The following TRHDE variants were observed in gnomAD, a reference collection of about 807,000 sequenced individuals.
TRHDE encodes thyrotropin-releasing hormone-degrading ectoenzyme.
Under a neutral mutation model 125.7 loss-of-function variants are expected in TRHDE, and 72 were observed. The observed-to-expected ratio is 0.57, with a 90% CI of 0.47 to 0.70. The LOEUF (loss-of-function observed/expected upper bound fraction) is 0.70, where lower values mean the gene tolerates loss of function less well. TRHDE is among the 30% of genes least tolerant of loss of function. The pLI is 0.00. For missense variants in TRHDE, 1,110 were observed against 1,327.1 expected, an observed-to-expected ratio of 0.84 and a Z score of 2.54; for synonymous variants, 509 against 509.1, an observed-to-expected ratio of 1.00 and a Z score of 0.00.
At chr12:72,598,860 T>C (rs1592563709) in intron 12 of TRHDE, among the ~76,000 whole-genome samples, 1 of 152,070 alleles carries the variant, frequency 6.6e-6, no homozygotes, top group South Asian at 2.1e-4. Flanking sequence ...AACAGTAAGT[T>C]TTTTAACCCT....
chr12:72,638,913 C>A (rs1211795928), intron 15 of TRHDE, among the ~76,000 whole-genome samples: 1 of 150,062 alleles, frequency 6.7e-6, no homozygotes, highest in Non-Finnish European at 1.5e-5. Context: ...GGTAACCCGA[C>A]CTTCCTCTCT....
At chr12:72,268,643 A>G (rs1443287529), upstream of TRHDE, among the ~76,000 whole-genome samples, 2 of 152,274 alleles carry the variant, frequency 1.3e-5, no homozygotes, top group Non-Finnish European at 2.9e-5. Flanking sequence ...ATGTGCTTCT[A>G]TATACAAACC....
In TRHDE at chr12:72,393,599, A is replaced by G. The variant is rs79264624; in HGVS notation, c.1315+15478A>G. Reference sequence around the variant, plus strand: ...GTTCCCACAGTGTCAGATTTTGTATATCTGTTGTCAAACATATCAGTCACT... The same window carrying G: ...GTTCCCACAGTGTCAGATTTTGTATGTCTGTTGTCAAACATATCAGTCACT... On this transcript the variant is annotated intron_variant, in intron 3 of 18. Transcript: ENST00000261180. 1.5e-3 allele frequency among the ~76,000 whole-genome samples: 227 copies of G among 152,298 alleles called. 8 individuals are homozygous for G. The East Asian group carries it at 0.036, about 24-fold the overall frequency.
chr12:72,604,258 G>T (rs1872335712), intron 12 of TRHDE, among the ~76,000 whole-genome samples: 1 of 152,024 alleles, frequency 6.6e-6, no homozygotes, highest in Non-Finnish European at 1.5e-5. Context: ...ATTATTTTAA[G>T]GTAGCTTAAC....
intron 2 of TRHDE, among the ~76,000 whole-genome samples, chr12:72,217,613 C>A (rs1169202394): frequency 6.6e-6 from 1 of 152,148 alleles, no homozygotes; most frequent in East Asian, 1.9e-4. Context: ...ATCATTCCAA[C>A]TTAATGGCTG....
intron 6 of TRHDE, among the ~76,000 whole-genome samples, chr12:72,534,611 A>G (rs1351301721): frequency 2.0e-5 from 3 of 152,068 alleles, no homozygotes; most frequent in Non-Finnish European, 4.4e-5. Context: ...AGATAACAAT[A>G]CCTACATACA....
chr12:72,553,287 AG>A (rs1239265011), intron 7 of TRHDE, among the ~76,000 whole-genome samples: 2 of 152,178 alleles, frequency 1.3e-5, no homozygotes. Flanking sequence ...GGATTCCTCC[AG>A]GATTGGGATT....
intron 2 of TRHDE, among the ~76,000 whole-genome samples, chr12:72,238,915 G>T (rs1878418963): frequency 6.6e-6 from 1 of 152,128 alleles, no homozygotes; most frequent in South Asian, 2.1e-4. Flanking sequence ...CCAGTAATGG[G>T]ATTGCTGGGT....
intron 2 of TRHDE, among the ~76,000 whole-genome samples, chr12:72,129,648 C>A (rs547208918): frequency 3.9e-5 from 6 of 152,218 alleles, no homozygotes; most frequent in Non-Finnish European, 7.3e-5. Context: ...ACCACTTTCA[C>A]TGCTACTGTC....
Position 72,156,768 on chromosome 12 carries a change from G to A in TRHDE, n.279+51016G>A, listed in dbSNP as rs777506837. Among the ~76,000 whole-genome samples, 9 of 152,226 alleles carry A rather than the reference G, an allele frequency of 5.9e-5. No homozygotes were observed. In the South Asian group the frequency reaches 1.9e-3, roughly 32 times the overall value. ...GAAGAAACAAGGGAAACATTTATTTGTCTTTCATCAAATATTTATGAAGCA... is the reference window on the plus strand; with the variant it reads ...GAAGAAACAAGGGAAACATTTATTTATCTTTCATCAAATATTTATGAAGCA... On this transcript the variant is annotated intron_variant and non_coding_transcript_variant, in intron 2 of 4. Transcript: ENST00000548156.
At chr12:72,512,082 T>C (rs1878603792) in intron 6 of TRHDE, among the ~76,000 whole-genome samples, 1 of 152,096 alleles carries the variant, frequency 6.6e-6, no homozygotes, top group Admixed American at 6.6e-5. Context: ...GCAATGTTGG[T>C]TTTGACTCTA....
At chr12:72,520,760 C>G (rs1160712028) in intron 6 of TRHDE, among the ~76,000 whole-genome samples, 1 of 152,166 alleles carries the variant, frequency 6.6e-6, no homozygotes, top group Admixed American at 6.5e-5. Flanking sequence ...AAATGGAGCT[C>G]TGGGTTCGAT....
At chr12:72,171,047 A>G (rs1247607843) in intron 2 of TRHDE, among the ~76,000 whole-genome samples, 5 of 152,150 alleles carry the variant, frequency 3.3e-5, no homozygotes, top group Admixed American at 1.3e-4. Flanking sequence ...CTCTTCTATC[A>G]TAACAGTGGC....
intron 2 of TRHDE, among the ~76,000 whole-genome samples, chr12:72,224,419 T>C (rs1425534709): frequency 6.6e-6 from 1 of 152,112 alleles, no homozygotes; most frequent in Non-Finnish European, 1.5e-5. Context: ...GCCAGTCAGG[T>C]TGATCTCTCA....
Position 72,272,810 on chromosome 12 carries a change from G to A in TRHDE, c.167G>A (p.Gly56Asp), listed in dbSNP as rs1336654836. The A allele has an allele frequency of 1.3e-6, 2 of 1,568,298 alleles. No individual in the cohort carries two copies. The highest frequency in any genetic ancestry group is 1.7e-5 in the Admixed American group (1 of 58,158). The change falls in exon 1 of 19, where the codon GGC becomes GAC. Residue 56 changes from glycine to aspartate, a missense_variant. Gly to Asp is a moderately conservative substitution (Grantham distance 94). Around this residue, in one of 5 missense-constraint regions of TRHDE, gnomAD observed 248 missense variants for 240.8 expected, o/e 1.03. Transcript: ENST00000261180. The surrounding 1 kb of genome is among the most constrained non-coding windows in gnomAD (Gnocchi z 6.7). The part of the protein sequence containing the change: ...MGEDDAALRA[G>D]SRGLSDPWAD... ...GAAGACGACGCCGCGCTTCGGGCTG[G>A]CAGCAGGGGGCTCTCCGACCCGTGG... is the stretch of plus-strand genomic sequence containing the variant.
chr12:72,634,215 G>T (rs952316426), intron 15 of TRHDE, among the ~76,000 whole-genome samples: 2 of 152,062 alleles, frequency 1.3e-5, no homozygotes, highest in African/African-American at 4.8e-5. Context: ...ACAGCATTAG[G>T]TTCTATTCAC....
intron 6 of TRHDE, 105 bp downstream of exon 6, chr12:72,499,740 A>G (rs754337791): frequency 1.0e-5 from 13 of 1,265,022 alleles, no homozygotes; most frequent in African/African-American, 1.5e-5. Context: ...GCAGATAGAC[A>G]TAGACTGTGA....
At chr12:72,621,367 T>C (rs1873045683) in intron 14 of TRHDE, 162 bp downstream of exon 14, 1 of 603,896 alleles carries the variant, frequency 1.7e-6, no homozygotes, top group East Asian at 2.8e-5. Flanking sequence ...ACAGTTTCCA[T>C]TGCCTGATCC....
At chr12:72,593,739 C>T (rs1307509836) in intron 12 of TRHDE, among the ~76,000 whole-genome samples, 1 of 151,448 alleles carries the variant, frequency 6.6e-6, no homozygotes, top group African/African-American at 2.4e-5. Flanking sequence ...TTGTTCAATT[C>T]CCACCTATAA....
Sources: gnomAD v4.1 joint callset for allele counts (sites outside exome capture counted in the v4.1 genomes callset) on GRCh38, gnomAD v4.1.1 for gene constraint, gnomAD v4.1.1 regional missense constraint, Gnocchi (gnomAD v3.1) non-coding constraint, MANE v1.5 for transcripts, NCBI Gene and HGNC (gene_info 2026-07-23, HGNC 2026-07-21) for gene names.